GSE1: variants seen among roughly 807,000 people sequenced by gnomAD.
GSE1 encodes the protein Gse1 coiled-coil protein, also known as genetic suppressor element 1.
Under a neutral mutation model 112.6 loss-of-function variants are expected in GSE1, and 32 were observed. The ratio of observed to expected loss-of-function variants is 0.28; its 90% CI spans 0.21 to 0.38. The LOEUF (loss-of-function observed/expected upper bound fraction) is 0.38. GSE1 is among the 10% of genes least tolerant of loss of function. The pLI, the probability that GSE1 is intolerant of heterozygous loss-of-function variation, is 1.00. For synonymous variants in GSE1, 1,115 were observed against 735.6 expected, an observed-to-expected ratio of 1.52 and a Z score of -8.35; for missense variants, 2,348 against 1,699.2, an observed-to-expected ratio of 1.38 and a Z score of -6.71.
chr16:85,175,051 GTTGTTCCCTA>G (rs71151268), intron 1 of GSE1, among the ~76,000 whole-genome samples: 88,331 of 151,542 alleles, frequency 0.58, 25,868 homozygotes, highest in Middle Eastern at 0.74. Context: ...TGACTCCTCA[GTTGTTCCCTA>G]TTGTTCCCTA....
intron 1 of GSE1, among the ~76,000 whole-genome samples, chr16:85,631,546 C>G (rs938055667): frequency 6.6e-6 from 1 of 152,236 alleles, no homozygotes; most frequent in African/African-American, 2.4e-5. Context: ...GTCCCATTTG[C>G]TGAGACACCT....
chr16:85,628,320 T>G (rs1285499453), intron 1 of GSE1, among the ~76,000 whole-genome samples: 1 of 152,216 alleles, frequency 6.6e-6, no homozygotes, highest in Admixed American at 6.5e-5. Context: ...AGCCTGCAGC[T>G]GACACCGGGG....
At chr16:85,534,546 A>T (rs2044258242) in intron 2 of GSE1, among the ~76,000 whole-genome samples, 2 of 152,196 alleles carry the variant, frequency 1.3e-5, no homozygotes, top group Admixed American at 1.3e-4. Context: ...GCCTGTGGCA[A>T]CCACATTTTC....
chr16:85,207,238 CCT>C (rs1337869180), intron 1 of GSE1, among the ~76,000 whole-genome samples: 6 of 152,250 alleles, frequency 3.9e-5, no homozygotes, highest in African/African-American at 1.4e-4. Context: ...CCCACTTGCT[CCT>C]CTCGGCCAGA....
At chr16:85,505,161 C>G (rs567475660) in intron 2 of GSE1, among the ~76,000 whole-genome samples, 1 of 152,286 alleles carries the variant, frequency 6.6e-6, no homozygotes, top group African/African-American at 2.4e-5. Context: ...CTCTCTGGCG[C>G]CCAGGGGAGG....
rs1050396740 is a variant in GSE1 at position 85,303,563 on chromosome 16, G to T, written c.2284-53900G>T. On this transcript the variant is annotated intron_variant, in intron 1 of 2. Transcript: ENST00000637419. ...TGGACCTTCCCGACAACTGAGGGTG[G>T]CAGGTTCTATTGTGACTCCCATTTT... 4.3e-4 allele frequency among the ~76,000 whole-genome samples: 66 copies of T among 152,242 alleles called. 1 individual carries two copies. Among genetic ancestry groups the T allele is most frequent in the African/African-American group, 1.5e-3 (64 of 41,466 alleles).
At chr16:85,640,785 G>T (rs924284784) in intron 2 of GSE1, among the ~76,000 whole-genome samples, 3 of 152,262 alleles carry the variant, frequency 2.0e-5, no homozygotes, top group Admixed American at 2.0e-4. Flanking sequence ...GGCGCGCCTC[G>T]CGTGGGTGTC....
chr16:85,323,002 G>A (rs2046144792), intron 1 of GSE1, among the ~76,000 whole-genome samples: 1 of 152,198 alleles, frequency 6.6e-6, no homozygotes, highest in Admixed American at 6.5e-5. Flanking sequence ...CTAGATGTCA[G>A]TTGGTCTGAG....
intron 1 of GSE1, among the ~76,000 whole-genome samples, chr16:85,241,135 C>T (rs1016041935): frequency 6.6e-6 from 1 of 152,150 alleles, no homozygotes; most frequent in Non-Finnish European, 1.5e-5. Context: ...GAACCTGGCT[C>T]TGATACTTCC....
At chr16:85,565,819 G>C (rs1224518005) in intron 1 of GSE1, among the ~76,000 whole-genome samples, 1 of 152,224 alleles carries the variant, frequency 6.6e-6, no homozygotes, top group Non-Finnish European at 1.5e-5. Context: ...AGGGACCCTG[G>C]GTCTCGGCCA....
chr16:85,448,294 G>A (rs947046455), intron 2 of GSE1, among the ~76,000 whole-genome samples: 6 of 152,198 alleles, frequency 3.9e-5, no homozygotes, highest in East Asian at 1.9e-4. Flanking sequence ...GGATCTTTCC[G>A]GAAGCTCTCC....
chr16:85,287,338 C>CT (rs1256972773), intron 1 of GSE1, among the ~76,000 whole-genome samples: 1 of 152,198 alleles, frequency 6.6e-6, no homozygotes, highest in Non-Finnish European at 1.5e-5. Flanking sequence ...GCCCATCCCC[C>CT]TGCACCAGCC....
At chr16:85,638,659 C>G (rs2050198371) in intron 2 of GSE1, among the ~76,000 whole-genome samples, 1 of 141,206 alleles carries the variant, frequency 7.1e-6, no homozygotes, top group South Asian at 2.5e-4. Context: ...ACCCCCGCCT[C>G]CCCTTCCCTG....
intron 1 of GSE1, among the ~76,000 whole-genome samples, chr16:85,225,603 G>A (rs1433955298): frequency 6.6e-6 from 1 of 152,186 alleles, no homozygotes; most frequent in Non-Finnish European, 1.5e-5. Context: ...TGCGGTCACG[G>A]TCTTAGGGAA....
At chr16:85,619,005 C>G (rs966394459) in intron 1 of GSE1, among the ~76,000 whole-genome samples, 2 of 152,258 alleles carry the variant, frequency 1.3e-5, no homozygotes, top group African/African-American at 4.8e-5. Flanking sequence ...TTCCCCTACG[C>G]TCAACTGACT....
chr16:85,179,940 T>C (rs2074547612), intron 1 of GSE1, among the ~76,000 whole-genome samples: 1 of 152,208 alleles, frequency 6.6e-6, no homozygotes, highest in African/African-American at 2.4e-5. Context: ...AGATGGTAGA[T>C]GATAGACTAT....
chr16:85,221,914 G>A (rs1398621031), intron 1 of GSE1, among the ~76,000 whole-genome samples: 2 of 152,108 alleles, frequency 1.3e-5, no homozygotes, highest in African/African-American at 4.8e-5. Context: ...TTGATCTGAG[G>A]GAGTTGACTC....
At chr16:85,457,639 G>A (rs545684853) in intron 2 of GSE1, among the ~76,000 whole-genome samples, 48 of 152,244 alleles carry the variant, frequency 3.2e-4, no homozygotes, top group South Asian at 8.3e-4. Context: ...GCCTCGTTGG[G>A]TGAAGCTGCC....
At chr16:85,400,159 G>A (rs978337629) in intron 2 of GSE1, among the ~76,000 whole-genome samples, 1 of 152,218 alleles carries the variant, frequency 6.6e-6, no homozygotes, top group African/African-American at 2.4e-5. Context: ...CAAAAAAACG[G>A]AGAATGATCC....
Sources: allele counts gnomAD v4.1 joint callset (sites outside exome capture counted in the v4.1 genomes callset), GRCh38; gene constraint gnomAD v4.1.1; transcripts MANE v1.5; gene names NCBI Gene and HGNC (gene_info 2026-07-23, HGNC 2026-07-21).